CPD: variants seen among roughly 807,000 people sequenced by gnomAD.
CPD encodes the protein carboxypeptidase D, also known as metallocarboxypeptidase D.
A neutral mutation model predicts 138.3 loss-of-function variants in CPD; 69 were observed. The ratio of observed to expected loss-of-function variants is 0.50; its 90% CI spans 0.41 to 0.61. CPD has a LOEUF of 0.61. Among genes scored for constraint, CPD ranks in the 20% least tolerant of loss-of-function variants. The pLI is 0.00. For synonymous variants in CPD, 651 were observed against 642.1 expected (o/e 1.01, Z -0.21); for missense variants, 1,432 against 1,733.3 (o/e 0.83, Z 3.09).
intron 12 of CPD, among the ~76,000 whole-genome samples, 176 bp downstream of exon 12, chr17:30,446,196 T>C (rs1428110530): frequency 6.6e-6 from 1 of 152,186 alleles, no homozygotes; most frequent in African/African-American, 2.4e-5. Context: ...TTAATTATGC[T>C]TTAAGTTTTA....
At chr17:30,425,116 C>G (rs1453527425) in intron 6 of CPD, among the ~76,000 whole-genome samples, 1 of 118,862 alleles carries the variant, frequency 8.4e-6, no homozygotes, top group African/African-American at 2.8e-5. Context: ...CTCCAGTTTT[C>G]TTTAGTCTCT....
rs370614895 is a variant in CPD, at chr17:30,415,262, A to T, written c.995-5579A>T. On this transcript the variant is annotated intron_variant, in intron 2 of 20. Coordinates refer to ENST00000225719, the MANE Select transcript of CPD (RefSeq NM_001304.5). ...TTCTAATACATCTCCATGCTTCCCC[A>T]TTTGTCCCCCTACAGTCATTTTCCA... is the stretch of plus-strand genomic sequence containing the variant. Among the ~76,000 whole-genome samples the T allele has an allele frequency of 4.9e-4, 75 of 152,148 alleles. 1 individual carries two copies. The highest frequency in any genetic ancestry group is 1.6e-3 in the African/African-American group (67 of 41,512).
intron 1 of CPD, among the ~76,000 whole-genome samples, chr17:30,380,938 G>T (rs775099141): frequency 2.0e-5 from 3 of 152,206 alleles, no homozygotes; most frequent in Non-Finnish European, 4.4e-5. Context: ...TGGATTAAAA[G>T]AAGATTTCTG....
intron 2 of CPD, among the ~76,000 whole-genome samples, chr17:30,412,383 T>A (rs1911989954): frequency 1.3e-5 from 2 of 152,206 alleles, no homozygotes; most frequent in Admixed American, 6.5e-5. Flanking sequence ...TTGAATGCCA[T>A]GCTGGGAGAA....
At chr17:30,402,258 G>A (rs1047080439) in intron 2 of CPD, among the ~76,000 whole-genome samples, 1 of 151,660 alleles carries the variant, frequency 6.6e-6, no homozygotes, top group Non-Finnish European at 1.5e-5. Flanking sequence ...TTTACTTTAA[G>A]ACTGTTTAAT....
chr17:30,407,778 C>T (rs528085625), intron 2 of CPD, among the ~76,000 whole-genome samples: 1 of 151,944 alleles, frequency 6.6e-6, no homozygotes, highest in Admixed American at 6.5e-5. Context: ...CCTGTTCACT[C>T]TGATGGTAGT....
At chr17:30,456,954 G>A (rs1444125874) in intron 17 of CPD, 3 of 164,736 alleles carry the variant, frequency 1.8e-5, no homozygotes, top group East Asian at 3.4e-4. Flanking sequence ...CTGCCTCATG[G>A]CTTTCTTGAC....
intron 2 of CPD, among the ~76,000 whole-genome samples, chr17:30,409,363 CT>C (rs34881677): frequency 0.37 from 55,501 of 151,978 alleles, 12,619 homozygotes; most frequent in East Asian, 0.82. Flanking sequence ...CAGGATGATG[CT>C]GGCCTCATAA....
chr17:30,455,800 A>C (rs2143498739), intron 15 of CPD: 1 of 253,906 alleles, frequency 3.9e-6, no homozygotes, highest in Admixed American at 5.1e-5. Flanking sequence ...ACTCCTATGT[A>C]ACCAAATACT....
At chr17:30,403,652 T>C (rs888449288) in intron 2 of CPD, among the ~76,000 whole-genome samples, 4 of 152,210 alleles carry the variant, frequency 2.6e-5, no homozygotes, top group African/African-American at 9.6e-5. Flanking sequence ...AGCAACTTGT[T>C]AGGTGATGAT....
At position 30,421,577 on chromosome 17, in the gene CPD, A is replaced by G; in HGVS notation, c.1138-87A>G. On this transcript the variant is annotated intron_variant, in intron 3 of 20. Coordinates refer to ENST00000225719, the MANE Select transcript of CPD (RefSeq NM_001304.5). ...AGAGAGAAGAGTCACTTTATTTTTTAGAAATTCTAGTATCGGTGCAGAGAG... is the reference window on the plus strand; with the variant it reads ...AGAGAGAAGAGTCACTTTATTTTTTGGAAATTCTAGTATCGGTGCAGAGAG... 7 of 1,153,318 alleles carry G rather than the reference A, an allele frequency of 6.1e-6. 1 individual carries two copies. Among genetic ancestry groups the G allele is most frequent in the Non-Finnish European group, 8.9e-6 (7 of 790,098 alleles). The allele number at this position is 1,153,318 out of a possible 1,614,324, so 71.4% of individuals were successfully genotyped here.
chr17:30,447,117 C>T lies in CPD; in HGVS notation c.2873+1097C>T, dbSNP rs572565477. ...TAGATTGCAAAAATTTTCTTCCATTCTGTAGGTTGCCTGTTCACTCTGATG... is the reference window on the plus strand; with the variant it reads ...TAGATTGCAAAAATTTTCTTCCATTTTGTAGGTTGCCTGTTCACTCTGATG... On this transcript the variant is annotated intron_variant, in intron 12 of 20. Coordinates refer to ENST00000225719, the MANE Select transcript of CPD (RefSeq NM_001304.5). Among the ~76,000 whole-genome samples the T allele has an allele frequency of 4.6e-5, 7 of 152,272 alleles. No homozygotes were observed. In the East Asian group the frequency reaches 7.7e-4, roughly 17 times the overall value.
intron 8 of CPD, among the ~76,000 whole-genome samples, chr17:30,436,605 T>A (rs1389578153): frequency 6.6e-6 from 1 of 152,212 alleles, no homozygotes; most frequent in African/African-American, 2.4e-5. Flanking sequence ...GCTGTAATTT[T>A]AAAAAATGGA....
chr17:30,397,042 T>A (rs1321839350), intron 2 of CPD, among the ~76,000 whole-genome samples: 2 of 152,164 alleles, frequency 1.3e-5, no homozygotes, highest in Non-Finnish European at 2.9e-5. Flanking sequence ...TTTTACAAAC[T>A]TCCAGGGCAC....
intron 7 of CPD, among the ~76,000 whole-genome samples, chr17:30,428,191 T>A (rs1052867575): frequency 4.6e-5 from 7 of 152,228 alleles, no homozygotes; most frequent in African/African-American, 7.2e-5. Flanking sequence ...TACCTCCATA[T>A]AATTTAGCAG....
In CPD at chr17:30,465,000, T is replaced by C. The variant is rs2143520203; in HGVS notation, c.*186T>C. The C allele has an allele frequency of 1.8e-6, 1 of 569,194 alleles. No homozygotes were observed. The highest frequency in any genetic ancestry group is 1.9e-5 in the African/African-American group (1 of 53,338). The allele number at this position is 569,194 out of a possible 1,614,324, so 35.3% of individuals were successfully genotyped here. On this transcript the variant is annotated 3_prime_UTR_variant, in exon 21 of 21. Transcript: ENST00000225719. Reference sequence around the variant, plus strand: ...TGAACTTCCCTTCCTTAAAGTACTCTAAACCTTTAAAAAAAAATCTGATTT... The same window carrying C: ...TGAACTTCCCTTCCTTAAAGTACTCCAAACCTTTAAAAAAAAATCTGATTT...
At chr17:30,431,215 A>C (rs1193315838) in intron 7 of CPD, among the ~76,000 whole-genome samples, 1 of 152,184 alleles carries the variant, frequency 6.6e-6, no homozygotes, top group African/African-American at 2.4e-5. Flanking sequence ...CACAATAACT[A>C]ATGATGCCGA....
chr17:30,436,873 A>G (rs1291762836), intron 8 of CPD, among the ~76,000 whole-genome samples: 1 of 152,234 alleles, frequency 6.6e-6, no homozygotes, highest in Non-Finnish European at 1.5e-5. Flanking sequence ...CAAAATGTCC[A>G]TCAACTGATG....
At chr17:30,413,514 G>A (rs73277570) in intron 2 of CPD, among the ~76,000 whole-genome samples, 1 of 152,314 alleles carries the variant, frequency 6.6e-6, no homozygotes, top group African/African-American at 2.4e-5. Flanking sequence ...TATTCAATGG[G>A]CATTTCAAAC....
Sources: gnomAD v4.1 joint callset for allele counts (sites outside exome capture counted in the v4.1 genomes callset) on GRCh38, gnomAD v4.1.1 for gene constraint, MANE v1.5 for transcripts, NCBI Gene and HGNC (gene_info 2026-07-23, HGNC 2026-07-21) for gene names.